Variants in CCDC187 observed in about 807,000 individuals in gnomAD.
The protein encoded by CCDC187 is coiled-coil domain-containing protein 187.
CCDC187 carries 32 observed loss-of-function variants against 38.0 expected under a neutral mutation model. The ratio of observed to expected loss-of-function variants is 0.84; its 90% CI spans 0.64 to 1.13. The LOEUF (loss-of-function observed/expected upper bound fraction) is 1.13. CCDC187 is among the 50% of genes most tolerant of loss of function. The pLI is 0.00. For synonymous variants in CCDC187, 333 were observed against 347.9 expected (o/e 0.96, Z 0.48); for missense variants, 707 against 786.8 (o/e 0.90, Z 1.21).
chr9:136,272,594 T>G (rs1830858414), intron 14 of CCDC187, among the ~76,000 whole-genome samples: 1 of 151,868 alleles, frequency 6.6e-6, no homozygotes, highest in Admixed American at 6.6e-5. Flanking sequence ...TCCCAGCTAC[T>G]CAGGAGGCTG....
chr9:136,250,511 C>T lies in CCDC187; in HGVS notation c.*3083G>A, dbSNP rs73560754. ...TGTGAGATACATAATTCCTCTCACA[C>T]GGCCTCATAAATCCAAAAGGGTCAG... is the stretch of plus-strand genomic sequence containing the variant. On this transcript the variant is annotated 3_prime_UTR_variant, in exon 26 of 26. Coordinates refer to ENST00000638797, the MANE Select transcript of CCDC187 (RefSeq NM_001378188.1). 1.4e-5 allele frequency: 5 copies of T among 346,220 alleles called. No homozygotes were observed. The highest frequency in any genetic ancestry group is 2.1e-5 in the African/African-American group (1 of 46,576). 21.4% of individuals were successfully genotyped at this position (346,220 alleles called of 1,614,324 possible). A position where few individuals can be genotyped will look rare whatever the true frequency, so the allele number is the denominator to read the frequency against.
At position 136,254,576 on chromosome 9, in the gene CCDC187, C is replaced by T. The variant is rs1554760031; in HGVS notation, c.5252G>A (p.Gly1751Glu). 2 of 985,470 alleles carry T rather than the reference C, an allele frequency of 2.0e-6. No individual in the cohort carries two copies. Among genetic ancestry groups the T allele is most frequent in the African/African-American group, 3.5e-5 (2 of 57,246 alleles). 61.0% of individuals were successfully genotyped at this position (985,470 alleles called of 1,614,324 possible). ...PFPDIPSPRS[G>E]SELSEASSKV... ...GCTGGAGGCCTCTGACAGCTCTGAC[C>T]CTGACCTTGGAGAGGGGATGTCTGG... Residue 1751 changes from glycine to glutamate, a missense_variant, in exon 26 of 26, where the codon GGG (glycine) becomes GAG (glutamate). Coordinates refer to ENST00000638797, the MANE Select transcript of CCDC187 (RefSeq NM_001378188.1).
Position 136,258,455 on chromosome 9 carries a change from G to A in CCDC187, c.4366+477C>T, listed in dbSNP as rs1013729072. Among the ~76,000 whole-genome samples the A allele has an allele frequency of 1.3e-5, 2 of 152,058 alleles. No homozygotes were observed. Among genetic ancestry groups the A allele is most frequent in the Non-Finnish European group, 2.9e-5 (2 of 68,006 alleles). On this transcript the variant is annotated intron_variant, in intron 22 of 25. Coordinates refer to ENST00000638797, the MANE Select transcript of CCDC187 (RefSeq NM_001378188.1). The surrounding 1 kb of genome is among the most constrained non-coding windows in gnomAD (Gnocchi z 4.3). ...CACACAACCCCCCACTCTTCAGCCGGCGGCTACCAGACGCACCACCAGGGT... is the reference window on the plus strand; with the variant it reads ...CACACAACCCCCCACTCTTCAGCCGACGGCTACCAGACGCACCACCAGGGT...
intron 4 of CCDC187, among the ~76,000 whole-genome samples, chr9:136,293,501 A>G (rs1370886503): frequency 7.9e-6 from 1 of 126,470 alleles, no homozygotes; most frequent in African/African-American, 3.1e-5. Context: ...ATGCTCACAC[A>G]CTCACAAACA....
chr9:136,284,951 C>T (rs1383287498), intron 9 of CCDC187, among the ~76,000 whole-genome samples: 2 of 152,104 alleles, frequency 1.3e-5, no homozygotes, highest in African/African-American at 4.8e-5. Flanking sequence ...GGGCTGCAGG[C>T]GCTGGGGTAG....
upstream of CCDC187, among the ~76,000 whole-genome samples, chr9:136,306,009 C>G (rs1831798987): frequency 6.6e-6 from 1 of 152,230 alleles, no homozygotes; most frequent in African/African-American, 2.4e-5. Flanking sequence ...GGACCGCTCA[C>G]AGCCTGCACC....
chr9:136,285,184 C>T (rs1175944322), intron 9 of CCDC187, among the ~76,000 whole-genome samples: 7 of 152,098 alleles, frequency 4.6e-5, no homozygotes, highest in African/African-American at 1.7e-4. Context: ...AAGGACCACC[C>T]GAGTCACTGT....
chr9:136,263,188 CCAT>C (rs1460682175), intron 18 of CCDC187, among the ~76,000 whole-genome samples: 1 of 150,730 alleles, frequency 6.6e-6, no homozygotes, highest in African/African-American at 2.4e-5. Context: ...CTCCCTCCCT[CCAT>C]CTGCCCCACC....
rs1830594976 is a variant in CCDC187, at chr9:136,254,985, T to G, written c.4843A>C (p.Thr1615Pro). Residue 1615 changes from threonine (T) to proline (P), a missense_variant, in exon 26 of 26, where the codon ACC (threonine) becomes CCC (proline). Coordinates refer to ENST00000638797, the MANE Select transcript of CCDC187 (RefSeq NM_001378188.1). ...CTGCTCACAGAGCCTGCTGGGGAGG[T>G]GTGGGATGACACCGTGGCTTCTTCC... The part of the protein sequence containing the change: ...PSEEATVSSH[T>P]SPAGSVSSLS... 1 of 985,148 alleles carries G rather than the reference T, an allele frequency of 1.0e-6. No individual in the cohort carries two copies. 61.0% of individuals were successfully genotyped at this position (985,148 alleles called of 1,614,324 possible).
At chr9:136,289,413 G>A (rs1638286498) in intron 7 of CCDC187, among the ~76,000 whole-genome samples, 1 of 150,798 alleles carries the variant, frequency 6.6e-6, no homozygotes, top group Non-Finnish European at 1.5e-5. Context: ...CAGCTACTCA[G>A]GAGGCTGAGG....
chr9:136,275,888 G>A (rs2131217101), intron 12 of CCDC187, among the ~76,000 whole-genome samples: 1 of 152,234 alleles, frequency 6.6e-6, no homozygotes, highest in Non-Finnish European at 1.5e-5. Flanking sequence ...AGAGCCCAGG[G>A]CTCAGGGGCC....
rs914776864 is a variant in CCDC187 at position 136,299,794 on chromosome 9, G to A, written c.724+426C>T. Among the ~76,000 whole-genome samples the A allele has an allele frequency of 8.9e-4, 135 of 152,256 alleles. 2 individuals carry two copies. Among genetic ancestry groups the A allele is most frequent in the Non-Finnish European group, 3.5e-4 (24 of 68,016 alleles). On this transcript the variant is annotated intron_variant, in intron 3 of 25. Coordinates refer to ENST00000638797, the MANE Select transcript of CCDC187 (RefSeq NM_001378188.1). ...CGGTTCAGCGTTTCCCCATCTGTGG[G>A]CTGGGGGGGCAGTGCCTCCCATCTA...
At position 136,286,538 on chromosome 9, in the gene CCDC187, G is replaced by T. The variant is rs1032022159; in HGVS notation, c.2380C>A (p.Pro794Thr). ...TCCAGGTAGATGCACATCCCCCGGG[G>T]TAGGTAGCGGGTGGTCAGGTCCTGG... ...ELQDLTTRYL[P>T]RGMCIYLDPK... The change falls in exon 8 of 26, where the codon CCC becomes ACC. Residue 794 changes from proline (P) to threonine (T), a missense_variant. Pro to Thr is a conservative substitution (Grantham distance 38). Coordinates refer to ENST00000638797, the MANE Select transcript of CCDC187 (RefSeq NM_001378188.1). The T allele has an allele frequency of 1.8e-5, 7 of 398,646 alleles. No individual in the cohort carries two copies. The highest frequency in any genetic ancestry group is 3.1e-5 in the Non-Finnish European group (7 of 226,146). 24.7% of individuals were successfully genotyped at this position (398,646 alleles called of 1,614,324 possible).
chr9:136,270,790 C>T (rs1335827174), intron 14 of CCDC187, among the ~76,000 whole-genome samples: 1 of 152,226 alleles, frequency 6.6e-6, no homozygotes, highest in East Asian at 1.9e-4. Flanking sequence ...AGCCCTCAAG[C>T]GGCCCTTATG....
chr9:136,298,011 C>T (rs1831577973), intron 3 of CCDC187, among the ~76,000 whole-genome samples, 190 bp from the exon 4 acceptor site: 2 of 152,356 alleles, frequency 1.3e-5, no homozygotes, highest in East Asian at 1.9e-4. Flanking sequence ...CACAGTCTGA[C>T]TGTCACGTCC....
At chr9:136,296,839 A>T (rs1208955955) in intron 4 of CCDC187, among the ~76,000 whole-genome samples, 1 of 152,150 alleles carries the variant, frequency 6.6e-6, no homozygotes, top group Non-Finnish European at 1.5e-5. Context: ...CACCCACAGG[A>T]TTACCTGACT....
At chr9:136,260,417 G>A (rs963798400) in intron 19 of CCDC187, among the ~76,000 whole-genome samples, 153 bp from the exon 20 acceptor site, 6 of 150,804 alleles carry the variant, frequency 4.0e-5, no homozygotes, top group South Asian at 2.1e-4. Flanking sequence ...AGCAGAAGAC[G>A]GGACTGTGAC....
intron 9 of CCDC187, among the ~76,000 whole-genome samples, chr9:136,285,053 T>C (rs983034631): frequency 7.2e-4 from 109 of 152,144 alleles, no homozygotes; most frequent in Non-Finnish European, 1.4e-3. Flanking sequence ...GCTTCAGATG[T>C]ACCTGTGTGA....
chr9:136,289,281 G>T (rs1831253375), intron 7 of CCDC187, among the ~76,000 whole-genome samples: 6 of 152,096 alleles, frequency 3.9e-5, no homozygotes. Flanking sequence ...ACTTTGGGAG[G>T]CCAAAGCAGG....
Sources: allele counts gnomAD v4.1 joint callset (sites outside exome capture counted in the v4.1 genomes callset), GRCh38; gene constraint gnomAD v4.1.1; non-coding constraint Gnocchi (gnomAD v3.1); transcripts MANE v1.5; gene names NCBI Gene and HGNC (gene_info 2026-07-23, HGNC 2026-07-21).